The following HACD3 variants were observed in gnomAD, a reference collection of about 807,000 sequenced individuals.
HACD3 encodes very-long-chain (3R)-3-hydroxyacyl-CoA dehydratase 3.
A neutral mutation model predicts 55.2 loss-of-function variants in HACD3; 30 were observed. The observed-to-expected ratio is 0.54, with a 90% confidence interval of 0.41 to 0.74. HACD3 has a LOEUF of 0.74. HACD3 is among the 30% of genes least tolerant of loss of function. The pLI is 0.00. For synonymous variants in HACD3, 141 were observed against 151.7 expected, an observed-to-expected ratio of 0.93 and a Z score of 0.52; for missense variants, 363 against 440.1, an observed-to-expected ratio of 0.82 and a Z score of 1.57.
chr15:65,552,546 G>C (rs2072144433), intron 2 of HACD3, among the ~76,000 whole-genome samples: 1 of 152,040 alleles, frequency 6.6e-6, no homozygotes, highest in Admixed American at 6.6e-5. Context: ...ATGTTGTCCA[G>C]GCTGGTCTTG....
chr15:65,537,948 AAAAAAAAAAAATAT>A (rs2071974489), intron 1 of HACD3, among the ~76,000 whole-genome samples: 1 of 68,044 alleles, frequency 1.5e-5, no homozygotes, highest in African/African-American at 6.2e-5. Context: ...AAAAAAAAAA[AAAAAAAAAAAATAT>A]ATATATATAT....
intron 1 of HACD3, among the ~76,000 whole-genome samples, chr15:65,537,948 AAAAAAAAAAAATATATATATATATAT>A (rs1315162545): frequency 0.038 from 2,618 of 68,022 alleles, 164 homozygotes; most frequent in African/African-American, 0.097. Context: ...AAAAAAAAAA[AAAAAAAAAAAATATATATATATATAT>A]ATATATATAT....
chr15:65,537,708 G>A (rs1308027494), intron 1 of HACD3, among the ~76,000 whole-genome samples: 17 of 142,248 alleles, frequency 1.2e-4, no homozygotes, highest in African/African-American at 3.4e-4. Flanking sequence ...CAGGAGAATC[G>A]CTTGGATCTG....
At chr15:65,546,420 A>G (rs998315302) in intron 1 of HACD3, among the ~76,000 whole-genome samples, 2 of 152,170 alleles carry the variant, frequency 1.3e-5, no homozygotes, top group Non-Finnish European at 2.9e-5. Context: ...GTTAAGTATG[A>G]TGTCTGCAGC....
At chr15:65,541,547 G>A (rs1437517546) in intron 1 of HACD3, among the ~76,000 whole-genome samples, 1 of 152,214 alleles carries the variant, frequency 6.6e-6, no homozygotes, top group Non-Finnish European at 1.5e-5. Flanking sequence ...TTGATTATGT[G>A]ATGGCGGGGG....
intron 3 of HACD3, 78 bp from the exon 4 acceptor site, chr15:65,556,661 C>G: frequency 1.4e-6 from 2 of 1,391,048 alleles, no homozygotes; most frequent in Non-Finnish European, 1.9e-6. Flanking sequence ...CCTGCAGCTT[C>G]TATGTACGGC....
chr15:65,549,599 C>CAAAAA (rs5813363), intron 1 of HACD3, among the ~76,000 whole-genome samples: 2 of 42,488 alleles, frequency 4.7e-5, no homozygotes, highest in Non-Finnish European at 5.5e-5. Context: ...GATTCCATCT[C>CAAAAA]AAAAAAAAAA....
At chr15:65,553,837 G>T (rs1010330865) in intron 2 of HACD3, among the ~76,000 whole-genome samples, 11 of 152,160 alleles carry the variant, frequency 7.2e-5, no homozygotes, top group African/African-American at 2.7e-4. Context: ...AAATGAATCA[G>T]AGAGGAGAGT....
intron 5 of HACD3, 72 bp from the exon 6 acceptor site, chr15:65,562,702 A>C: frequency 6.4e-7 from 1 of 1,555,552 alleles, no homozygotes. Flanking sequence ...AGTCATCCAG[A>C]TATGCCTCAT....
In HACD3 at chr15:65,554,965, G is replaced by A. The variant is rs1217395429; in HGVS notation, c.204+5G>A. On this transcript the variant is annotated splice_donor_5th_base_variant and intron_variant, in intron 3 of 10. Coordinates refer to ENST00000261875, the MANE Select transcript of HACD3 (RefSeq NM_016395.4). ...TTAGACCTTGTGAAACCAGAGGTAT[G>A]TTCTTTCCTTTCTCACTTCCCTTCC... is the stretch of plus-strand genomic sequence containing the variant. The A allele has an allele frequency of 6.3e-7, 1 of 1,594,238 alleles. No individual in the cohort carries two copies. Among genetic ancestry groups the A allele is most frequent in the South Asian group, 1.1e-5 (1 of 90,530 alleles).
intron 1 of HACD3, among the ~76,000 whole-genome samples, chr15:65,542,133 G>T (rs1286744240): frequency 1.4e-5 from 2 of 146,920 alleles, no homozygotes; most frequent in Non-Finnish European, 3.0e-5. Context: ...GGAGGCTGAG[G>T]CAGGAGAATC....
At position 65,536,161 on chromosome 15, in the gene HACD3, C is replaced by G. The variant is rs138397584; in HGVS notation, c.87+5443C>G. ...CTTCCCAAGTAGCTGGGACTGCAGG[C>G]ATGTGCCACTGTGCCCAGCTAGTTT... On this transcript the variant is annotated intron_variant, in intron 1 of 10. Coordinates refer to ENST00000261875, the MANE Select transcript of HACD3 (RefSeq NM_016395.4). Among the ~76,000 whole-genome samples, 175 of 152,252 alleles carry G rather than the reference C, an allele frequency of 1.1e-3. 1 individual carries two copies. In the East Asian group the frequency reaches 0.024, roughly 21 times the overall value.
intron 5 of HACD3, among the ~76,000 whole-genome samples, chr15:65,562,469 C>T (rs1005354188): frequency 1.3e-5 from 2 of 152,198 alleles, no homozygotes; most frequent in South Asian, 2.1e-4. Flanking sequence ...TATACATATA[C>T]ACATATCATA....
intron 1 of HACD3, among the ~76,000 whole-genome samples, 159 bp from the exon 2 acceptor site, chr15:65,551,517 A>G (rs578210870): frequency 1.3e-5 from 2 of 152,346 alleles, no homozygotes; most frequent in South Asian, 4.1e-4. Flanking sequence ...GAGAAAGCCT[A>G]CAGAGATGTG....
At chr15:65,574,540 G>GACC (rs2072381902) in intron 10 of HACD3, 1 of 152,308 alleles carries the variant, frequency 6.6e-6, no homozygotes, top group Non-Finnish European at 1.5e-5. Flanking sequence ...GTGAGAGGAA[G>GACC]ACCACGCAAG....
intron 7 of HACD3, chr15:65,566,173 A>C (rs2072288886): frequency 6.6e-6 from 1 of 152,262 alleles, no homozygotes; most frequent in Non-Finnish European, 1.5e-5. Flanking sequence ...CCATTCAACA[A>C]ATCTCTACGA....
chr15:65,547,069 T>G (rs534728667), intron 1 of HACD3, among the ~76,000 whole-genome samples: 1 of 152,140 alleles, frequency 6.6e-6, no homozygotes, highest in East Asian at 1.9e-4. Context: ...TGCAATGACT[T>G]ATGTATAACT....
intron 1 of HACD3, among the ~76,000 whole-genome samples, chr15:65,549,731 C>T (rs1224983112): frequency 6.6e-6 from 1 of 152,090 alleles, no homozygotes; most frequent in Non-Finnish European, 1.5e-5. Flanking sequence ...TAGAAATAAG[C>T]CCATTCCATC....
Position 65,562,827 on chromosome 15 carries a change from T to C in HACD3, c.475T>C (p.Leu159=). The C allele has an allele frequency of 6.2e-7, 1 of 1,613,986 alleles. No individual in the cohort carries two copies. Among genetic ancestry groups the C allele is most frequent in the Non-Finnish European group, 8.5e-7 (1 of 1,179,892 alleles). Residue 159 remains leucine (L), a synonymous_variant, in exon 6 of 11, where the codon TTG becomes CTG. Transcript: ENST00000261875. ...GTTTATGTATAATCTTGTGCAATTC[T>C]TGGGATTCTCCTGGATCTTTGTCAA... ...YLFMYNLVQF[L]GFSWIFVNLT... is the part of the protein sequence containing the mutation.
Sources: gnomAD v4.1 joint callset for allele counts (sites outside exome capture counted in the v4.1 genomes callset) on GRCh38, gnomAD v4.1.1 for gene constraint, MANE v1.5 for transcripts, NCBI Gene and HGNC (gene_info 2026-07-23, HGNC 2026-07-21) for gene names.